The following SAMD12 variants were observed in gnomAD, a reference collection of about 807,000 sequenced individuals.
SAMD12 encodes sterile alpha motif domain-containing protein 12.
In SAMD12, 9 loss-of-function variants were observed where a neutral mutation model predicts 15.0. That is an observed-to-expected ratio of 0.60 (90% CI 0.36 to 1.05). The LOEUF (loss-of-function observed/expected upper bound fraction) is 1.05. Among genes scored for constraint, SAMD12 ranks in the 50% least tolerant of loss-of-function variants. The probability of loss-of-function intolerance (pLI) is 0.01; values close to 1 mark genes in which losing one functional copy is unlikely to be tolerated. For synonymous variants in SAMD12, 86 were observed against 90.1 expected (o/e 0.96, Z 0.25); for missense variants, 230 against 234.2 (o/e 0.98, Z 0.12).
the SAMD12 span, among the ~76,000 whole-genome samples, chr8:118,164,975 ATGTGTGTGTGTGTG>A: frequency 2.2e-4 from 32 of 144,124 alleles, no homozygotes; most frequent in African/African-American, 7.7e-4. Context: ...CTGACACTAG[ATGTGTGTGTGTGTG>A]TGTGTGTGTG....
At chr8:118,610,781 C>T (rs552131513) in intron 1 of SAMD12, among the ~76,000 whole-genome samples, 1 of 152,250 alleles carries the variant, frequency 6.6e-6, no homozygotes, top group Admixed American at 6.5e-5. Flanking sequence ...AGGATAAGAG[C>T]TTCAGTCTCT....
intron 2 of SAMD12, among the ~76,000 whole-genome samples, chr8:118,464,207 T>C (rs1046978376): frequency 4.6e-5 from 7 of 152,222 alleles, no homozygotes; most frequent in Non-Finnish European, 1.0e-4. Context: ...AGAAATGCAC[T>C]TGCTTTATAT....
At chr8:118,619,732 A>C (rs1448818269) in intron 1 of SAMD12, among the ~76,000 whole-genome samples, 1 of 152,136 alleles carries the variant, frequency 6.6e-6, no homozygotes, top group Non-Finnish European at 1.5e-5. Flanking sequence ...ATTAAGTATG[A>C]TAAGTATTAA....
At chr8:118,258,150 T>C (rs947239455) in intron 4 of SAMD12, among the ~76,000 whole-genome samples, 9 of 152,130 alleles carry the variant, frequency 5.9e-5, no homozygotes, top group African/African-American at 2.2e-4. Context: ...GAGGTGAGTA[T>C]GTGCTAAGAG....
intron 4 of SAMD12, among the ~76,000 whole-genome samples, chr8:118,281,931 C>T (rs1813667588): frequency 6.6e-6 from 1 of 152,180 alleles, no homozygotes; most frequent in African/African-American, 2.4e-5. Context: ...GGATAGAAAG[C>T]CACTATTACA....
intron 3 of SAMD12, among the ~76,000 whole-genome samples, chr8:118,402,005 T>C (rs1485198332): frequency 6.6e-6 from 1 of 152,214 alleles, no homozygotes; most frequent in Non-Finnish European, 1.5e-5. Context: ...TTAAGCTTAA[T>C]ATTCTGATTT....
intron 2 of SAMD12, among the ~76,000 whole-genome samples, chr8:118,477,555 C>T (rs773271583): frequency 1.3e-5 from 2 of 152,154 alleles, no homozygotes; most frequent in African/African-American, 2.4e-5. Flanking sequence ...GCTGGTGGCT[C>T]TCCCGTTTTT....
At position 118,391,966 on chromosome 8, in the gene SAMD12, T is replaced by G. The variant is rs1321029841; in HGVS notation, c.323-12266A>C. Among the ~76,000 whole-genome samples, 11 of 150,158 alleles carry G rather than the reference T, an allele frequency of 7.3e-5. No homozygotes were observed. In the East Asian group the frequency reaches 1.8e-3, roughly 24 times the overall value. On this transcript the variant is annotated intron_variant, in intron 3 of 3. Transcript: ENST00000314727. ...AAAAAAAAAAAAAAGAGGTCTTGGG[T>G]TTGGAGTTGAAAGCCCAGGGCTGGA...
chr8:118,443,752 T>C (rs1282505722), intron 2 of SAMD12, among the ~76,000 whole-genome samples: 1 of 152,192 alleles, frequency 6.6e-6, no homozygotes, highest in East Asian at 1.9e-4. Flanking sequence ...TTGTTCTGCC[T>C]GAACTTCTCT....
chr8:118,222,655 G>A (rs1812108064), intron 4 of SAMD12, among the ~76,000 whole-genome samples: 1 of 152,050 alleles, frequency 6.6e-6, no homozygotes, highest in Non-Finnish European at 1.5e-5. Flanking sequence ...ACAGGTGTGT[G>A]CCATCATGCC....
chr8:118,487,618 T>G (rs1236148349), intron 2 of SAMD12, among the ~76,000 whole-genome samples: 1 of 152,252 alleles, frequency 6.6e-6, no homozygotes, highest in Non-Finnish European at 1.5e-5. Context: ...ATAAGTATTA[T>G]GCTTTGTGCT....
At chr8:118,469,551 T>A (rs58925203) in intron 2 of SAMD12, among the ~76,000 whole-genome samples, 50 of 234 alleles carry the variant, frequency 0.21, 18 homozygotes, top group African/African-American at 0.62. Context: ...TATATTATTA[T>A]ATATAATATA....
In SAMD12 at chr8:118,399,808, A is replaced by C. The variant is rs557795297; in HGVS notation, c.323-20108T>G. Among the ~76,000 whole-genome samples, 81 of 152,246 alleles carry C rather than the reference A, an allele frequency of 5.3e-4. 1 individual carries two copies. In the South Asian group the frequency reaches 0.011, roughly 20 times the overall value. ...CACTGGGTCAAGGGGTACCCAATCG[A>C]TTGTCAGACACAAACATTCCATATT... On this transcript the variant is annotated intron_variant, in intron 3 of 3. Coordinates refer to ENST00000314727, the MANE Select transcript of SAMD12 (RefSeq NM_207506.3).
intron 4 of SAMD12, among the ~76,000 whole-genome samples, chr8:118,292,415 T>C (rs4606092): frequency 0.079 from 11,242 of 142,246 alleles, 808 homozygotes; most frequent in East Asian, 0.35. Flanking sequence ...TGTTCACAGA[T>C]TCATAGAAAA....
At chr8:118,225,759 ATTCAT>A (rs1334502379) in intron 4 of SAMD12, among the ~76,000 whole-genome samples, 3 of 152,206 alleles carry the variant, frequency 2.0e-5, no homozygotes, top group Non-Finnish European at 4.4e-5. Context: ...TTACAGTTCA[ATTCAT>A]ATGCAGGGAC....
exon 5 of SAMD12, chr8:118,194,941 G>A (rs1049815383): frequency 1.3e-5 from 2 of 152,142 alleles, no homozygotes; most frequent in Non-Finnish European, 2.9e-5. Context: ...AACAGAAGTT[G>A]ACAGTTTGGA....
intron 2 of SAMD12, among the ~76,000 whole-genome samples, chr8:118,503,462 G>A (rs1563898199): frequency 6.6e-6 from 1 of 152,124 alleles, no homozygotes. Context: ...CTTTTCACGG[G>A]TAAGAGCACT....
intron 4 of SAMD12, among the ~76,000 whole-genome samples, chr8:118,333,856 G>C (rs993653087): frequency 6.7e-6 from 1 of 150,346 alleles, no homozygotes; most frequent in Non-Finnish European, 1.5e-5. Context: ...GGGGGCGGGG[G>C]TATGTCTGTG....
chr8:118,535,440 C>G (rs28834500), intron 2 of SAMD12, among the ~76,000 whole-genome samples: 54,630 of 152,134 alleles, frequency 0.36, 10,426 homozygotes, highest in Admixed American at 0.44. Context: ...AGATCTCAAA[C>G]TCCATGCTGG....
Sources: allele counts gnomAD v4.1 joint callset (sites outside exome capture counted in the v4.1 genomes callset), GRCh38; gene constraint gnomAD v4.1.1; transcripts MANE v1.5; gene names NCBI Gene and HGNC (gene_info 2026-07-23, HGNC 2026-07-21).